GPD1L: variants seen among roughly 807,000 people sequenced by gnomAD.
GPD1L encodes glycerol-3-phosphate dehydrogenase 1 like, also known as glycerol-3-phosphate dehydrogenase 1-like protein.
GPD1L carries 17 observed loss-of-function variants against 32.9 expected under a neutral mutation model. The ratio of observed to expected loss-of-function variants is 0.52; its 90% CI spans 0.35 to 0.78. GPD1L has a LOEUF of 0.78. Ranked by LOEUF, GPD1L falls within the 30% of genes least tolerant of loss-of-function variation. The pLI is 0.01. For synonymous variants in GPD1L, 187 were observed against 165.9 expected, an observed-to-expected ratio of 1.13 and a Z score of -0.98; for missense variants, 361 against 447.8, an observed-to-expected ratio of 0.81 and a Z score of 1.75.
At chr3:32,109,204 G>A (rs1456560822) in intron 1 of GPD1L, among the ~76,000 whole-genome samples, 1 of 152,182 alleles carries the variant, frequency 6.6e-6, no homozygotes, top group Non-Finnish European at 1.5e-5. Flanking sequence ...CTCCCCTGTT[G>A]GCCATGCCAC....
At chr3:32,160,854 T>A (rs1394384543) in intron 7 of GPD1L, among the ~76,000 whole-genome samples, 2 of 152,130 alleles carry the variant, frequency 1.3e-5, no homozygotes, top group Non-Finnish European at 2.9e-5. Flanking sequence ...CTGAGCATGA[T>A]TGTGGAGGAC....
intron 5 of GPD1L, among the ~76,000 whole-genome samples, chr3:32,156,006 C>G (rs114412029): frequency 0.013 from 1,951 of 152,240 alleles, 58 homozygotes; most frequent in African/African-American, 0.044. Flanking sequence ...CTTATGGTCC[C>G]TGCTCTTAGC....
At chr3:32,152,055 G>C (rs976390022) in intron 5 of GPD1L, among the ~76,000 whole-genome samples, 14 of 152,158 alleles carry the variant, frequency 9.2e-5, no homozygotes, top group African/African-American at 3.4e-4. Context: ...TTTGGATTTT[G>C]GATTTTTTCT....
At chr3:32,146,505 T>C (rs1243773317) in intron 4 of GPD1L, 117 bp from the exon 5 acceptor site, 5 of 717,304 alleles carry the variant, frequency 7.0e-6, no homozygotes, top group Non-Finnish European at 1.3e-5. Flanking sequence ...TTTCTAAATA[T>C]CCTATCATGA....
At chr3:32,119,155 TGTTA>T (rs1027280292) in intron 1 of GPD1L, among the ~76,000 whole-genome samples, 2 of 152,214 alleles carry the variant, frequency 1.3e-5, no homozygotes, top group Non-Finnish European at 2.9e-5. Flanking sequence ...CTTGATCATA[TGTTA>T]GTTCTATTTT....
At chr3:32,127,995 G>C (rs1403111443) in intron 1 of GPD1L, 81 bp from the exon 2 acceptor site, 16 of 956,814 alleles carry the variant, frequency 1.7e-5, no homozygotes, top group Admixed American at 1.2e-4. Flanking sequence ...CAAAACACAA[G>C]TCTTCTGAAT....
At chr3:32,138,114 A>AT (rs1417387437) in intron 2 of GPD1L, among the ~76,000 whole-genome samples, 1 of 152,222 alleles carries the variant, frequency 6.6e-6, no homozygotes, top group Non-Finnish European at 1.5e-5. Flanking sequence ...AGGCTGATAA[A>AT]TACCCTTGAC....
Position 32,159,109 on chromosome 3 carries a change from G to A in GPD1L, c.852G>A (p.Lys284=). The part of the protein sequence containing the change: ...RVAEAFARTG[K]TIEELEKEML... ...CCGAGGCCTTCGCCAGAACTGGGAA[G>A]GTAGCCCCTCACCTGCTCTCCCGCA... Residue 284 remains lysine, a splice_region_variant and synonymous_variant, in exon 6 of 8, where the codon AAG becomes AAA. Coordinates refer to ENST00000282541, the MANE Select transcript of GPD1L (RefSeq NM_015141.4). The A allele has an allele frequency of 6.2e-7, 1 of 1,611,342 alleles. No homozygotes were observed. The highest frequency in any genetic ancestry group is 8.5e-7 in the Non-Finnish European group (1 of 1,177,948).
intron 1 of GPD1L, among the ~76,000 whole-genome samples, chr3:32,112,848 G>A (rs1002429627): frequency 6.6e-6 from 1 of 152,052 alleles, no homozygotes; most frequent in African/African-American, 2.4e-5. Context: ...ACATGTGACA[G>A]GCCTGTGGGG....
At position 32,159,005 on chromosome 3, in the gene GPD1L, TCTACAGCCAC is replaced by T; in HGVS notation, c.751_760del (p.Thr251SerfsTer2). 6.2e-7 allele frequency: 1 copy of T among 1,614,088 alleles called. No homozygotes were observed. Among genetic ancestry groups the T allele is most frequent in the Non-Finnish European group, 8.5e-7 (1 of 1,180,032 alleles). On this transcript the variant is annotated frameshift_variant, in exon 6 of 8. Coordinates refer to ENST00000282541, the MANE Select transcript of GPD1L (RefSeq NM_015141.4). LOFTEE classifies it high-confidence loss of function. ...CAGGATCTTCTGCAAAGGCCAAGTG[TCTACAGCCAC>T]CTTCCTAGAGAGCTGCGGGGTGGCC...
rs1316844789 is a variant in GPD1L, at chr3:32,140,243, C to T, written c.382C>T (p.Pro128Ser). Residue 128 changes from proline (P) to serine (S), a missense_variant, in exon 4 of 8, where the codon CCC (proline) becomes TCC (serine). Physicochemically the swap from Pro to Ser is moderately conservative, Grantham distance 74. Coordinates refer to ENST00000282541, the MANE Select transcript of GPD1L (RefSeq NM_015141.4). ...ITLIKGIDEGPEGLKLISDII... is the reference protein window; with the variant it reads ...ITLIKGIDEGSEGLKLISDII... ...ATCCTTGTAGGGCATAGACGAGGGC[C>T]CCGAGGGGCTGAAGCTCATTTCTGA... is the stretch of plus-strand genomic sequence containing the variant. The T allele has an allele frequency of 6.2e-7, 1 of 1,614,040 alleles. No individual in the cohort carries two copies. Among genetic ancestry groups the T allele is most frequent in the Admixed American group, 1.7e-5 (1 of 59,998 alleles).
At chr3:32,126,001 G>A (rs7651243) in intron 1 of GPD1L, among the ~76,000 whole-genome samples, 5,939 of 152,188 alleles carry the variant, frequency 0.039, 283 homozygotes, top group East Asian at 0.14. Flanking sequence ...GGTCTGGAGG[G>A]CTTAGTTCTT....
At chr3:32,131,663 C>T (rs767623536) in intron 2 of GPD1L, among the ~76,000 whole-genome samples, 4 of 152,282 alleles carry the variant, frequency 2.6e-5, no homozygotes, top group Non-Finnish European at 5.9e-5. Flanking sequence ...GGTTGATGGT[C>T]ATTTGAGCTG....
chr3:32,106,683 C>T lies in GPD1L; in HGVS notation c.-29C>T. The T allele has an allele frequency of 1.3e-6, 2 of 1,517,764 alleles. No individual in the cohort carries two copies. Among genetic ancestry groups the T allele is most frequent in the Non-Finnish European group, 1.8e-6 (2 of 1,131,068 alleles). The allele number at this position is 1,517,764 out of a possible 1,614,324, so 94.0% of individuals were successfully genotyped here. A position where few individuals can be genotyped will look rare whatever the true frequency, so the allele number is the denominator to read the frequency against. ...AGGTGGGCAGCCGGCCAGGGAAGCA[C>T]GGTCCAGGCGGCTACATTCGGCCCG... On this transcript the variant is annotated 5_prime_UTR_variant, in exon 1 of 8. In the 5' UTR this introduces an upstream ATG that the reference lacks. Transcript: ENST00000282541. The surrounding 1 kb of genome is among the most constrained non-coding windows in gnomAD (Gnocchi z 4.0).
intron 5 of GPD1L, among the ~76,000 whole-genome samples, chr3:32,156,457 T>C (rs989511581): frequency 4.6e-5 from 7 of 152,232 alleles, no homozygotes; most frequent in Non-Finnish European, 1.0e-4. Context: ...AGCTCTCACA[T>C]TATTGCTCAG....
At chr3:32,118,002 T>A (rs1700356239) in intron 1 of GPD1L, among the ~76,000 whole-genome samples, 1 of 152,178 alleles carries the variant, frequency 6.6e-6, no homozygotes, top group African/African-American at 2.4e-5. Flanking sequence ...GTGTGGTCCA[T>A]CCCAAACTGC....
chr3:32,159,131 C>T (rs1456213991), intron 6 of GPD1L, 22 bp downstream of exon 6: 8 of 1,558,048 alleles, frequency 5.1e-6, no homozygotes, highest in Middle Eastern at 1.7e-4. Flanking sequence ...CCTGCTCTCC[C>T]GCACCCCCTC....
In GPD1L at chr3:32,146,709, C is replaced by G; in HGVS notation, c.593C>G (p.Thr198Ser). The change falls in exon 5 of 8, where the codon ACT becomes AGT. Residue 198 changes from threonine to serine, a missense_variant. By Grantham distance (58) the Thr-to-Ser change is moderately conservative. Transcript: ENST00000282541. ...FRITVVDDAD[T>S]VELCGALKNI... ...ATTACCGTGGTTGATGATGCAGACA[C>G]TGTTGAACTCTGTGGTGCGCTTAAG... The G allele has an allele frequency of 3.7e-6, 6 of 1,609,470 alleles. No homozygotes were observed. Among genetic ancestry groups the G allele is most frequent in the Non-Finnish European group, 5.1e-6 (6 of 1,175,810 alleles).
chr3:32,116,493 ACT>A (rs1200233035), intron 1 of GPD1L, among the ~76,000 whole-genome samples: 1 of 151,718 alleles, frequency 6.6e-6, no homozygotes, highest in East Asian at 1.9e-4. Context: ...TCAGGCACTG[ACT>A]CTAGTTGATT....
Sources: gnomAD v4.1 joint callset for allele counts (sites outside exome capture counted in the v4.1 genomes callset) on GRCh38, gnomAD v4.1.1 for gene constraint, Gnocchi (gnomAD v3.1) non-coding constraint, MANE v1.5 for transcripts, NCBI Gene and HGNC (gene_info 2026-07-23, HGNC 2026-07-21) for gene names.